The following KCND2 variants were observed in gnomAD, a reference collection of about 807,000 sequenced individuals.
KCND2 encodes A-type voltage-gated potassium channel KCND2.
KCND2 carries 16 observed loss-of-function variants against 54.4 expected under a neutral mutation model. The ratio of observed to expected loss-of-function variants is 0.29; its 90% CI spans 0.20 to 0.45. KCND2 has a LOEUF of 0.45. Among genes scored for constraint, KCND2 ranks in the 20% least tolerant of loss-of-function variants. KCND2 has a pLI of 1.00. For missense variants in KCND2, 486 were observed against 824.2 expected, an observed-to-expected ratio of 0.59 and a Z score of 5.02; for synonymous variants, 317 against 310.7, an observed-to-expected ratio of 1.02 and a Z score of -0.21.
At chr7:120,309,644 C>G (rs1330510443) in intron 1 of KCND2, among the ~76,000 whole-genome samples, 1 of 151,456 alleles carries the variant, frequency 6.6e-6, no homozygotes, top group African/African-American at 2.4e-5. Context: ...CATATAATCC[C>G]CAATATCACC....
rs780222189 is a variant in KCND2, at chr7:120,507,954, A to G, written c.1116-224949A>G. ...ATATTTGAAAGTTTATTCTGAAGCT[A>G]TATTTTCATTAATTTAATGATAAGC... On this transcript the variant is annotated intron_variant, in intron 1 of 5. Transcript: ENST00000331113. Among the ~76,000 whole-genome samples the G allele has an allele frequency of 6.6e-5, 10 of 151,966 alleles. No individual in the cohort carries two copies. The East Asian group carries it at 1.2e-3, about 18-fold the overall frequency.
At chr7:120,661,263 A>T (rs569358357) in intron 1 of KCND2, among the ~76,000 whole-genome samples, 114 of 150,728 alleles carry the variant, frequency 7.6e-4, no homozygotes, top group Admixed American at 2.3e-3. Context: ...TTATTTTTTT[A>T]AAATAATAAA....
chr7:120,690,953 A>G (rs957435596), intron 1 of KCND2, among the ~76,000 whole-genome samples: 1 of 152,196 alleles, frequency 6.6e-6, no homozygotes, highest in African/African-American at 2.4e-5. Context: ...GGATGTTGAA[A>G]TTTTAAGTAG....
intron 1 of KCND2, among the ~76,000 whole-genome samples, chr7:120,313,360 TTAAA>T (rs1408896434): frequency 1.3e-5 from 2 of 152,136 alleles, no homozygotes; most frequent in African/African-American, 4.8e-5. Flanking sequence ...TGCATGACAA[TTAAA>T]TAGATAATAG....
chr7:120,516,897 C>T (rs1803204675), intron 1 of KCND2, among the ~76,000 whole-genome samples: 1 of 152,052 alleles, frequency 6.6e-6, no homozygotes, highest in South Asian at 2.1e-4. Context: ...TGAACAGGCT[C>T]TAGAGAAGTG....
chr7:120,274,263 A>G lies in KCND2; in HGVS notation c.-370A>G, dbSNP rs936386704. 4 of 372,808 alleles carry G rather than the reference A, an allele frequency of 1.1e-5. No homozygotes were observed. The highest frequency in any genetic ancestry group is 1.3e-4 in the East Asian group (2 of 15,954). 23.1% of individuals were successfully genotyped at this position (372,808 alleles called of 1,614,324 possible). ...ATCCTACACTCCACATACTGACCCT[A>G]TATTATCCAGACTGTGCCGGGGAGA... On this transcript the variant is annotated 5_prime_UTR_variant, in exon 1 of 6. Transcript: ENST00000331113.
intron 1 of KCND2, among the ~76,000 whole-genome samples, chr7:120,493,407 G>C (rs1802810827): frequency 1.3e-5 from 2 of 151,834 alleles, no homozygotes; most frequent in African/African-American, 4.8e-5. Flanking sequence ...TAATCATTGG[G>C]GATATAACAA....
chr7:120,524,039 C>A (rs533498137), intron 1 of KCND2, among the ~76,000 whole-genome samples: 8 of 151,862 alleles, frequency 5.3e-5, no homozygotes, highest in African/African-American at 1.9e-4. Flanking sequence ...AGTTGGAGAC[C>A]GGACTGTGCA....
At chr7:120,744,985 G>A (rs1461990371) in intron 4 of KCND2, among the ~76,000 whole-genome samples, 2 of 151,974 alleles carry the variant, frequency 1.3e-5, no homozygotes, top group East Asian at 3.8e-4. Context: ...TATAAAATAC[G>A]ATATGCGAAA....
chr7:120,663,253 A>C (rs1791887325), intron 1 of KCND2, among the ~76,000 whole-genome samples: 1 of 152,204 alleles, frequency 6.6e-6, no homozygotes, highest in South Asian at 2.1e-4. Flanking sequence ...CAACAACAAC[A>C]AAAGAGGTTA....
intron 1 of KCND2, among the ~76,000 whole-genome samples, chr7:120,594,175 AC>A (rs1475935722): frequency 6.6e-6 from 1 of 152,206 alleles, no homozygotes; most frequent in Admixed American, 6.5e-5. Context: ...TCTCCAACTG[AC>A]CAAATATAAA....
intron 1 of KCND2, among the ~76,000 whole-genome samples, chr7:120,491,622 A>G (rs1319137397): frequency 6.6e-6 from 1 of 152,130 alleles, no homozygotes; most frequent in East Asian, 1.9e-4. Flanking sequence ...TATTAAAGGC[A>G]CAGGGATAAT....
At chr7:120,666,367 A>G (rs1018057313) in intron 1 of KCND2, among the ~76,000 whole-genome samples, 2 of 151,958 alleles carry the variant, frequency 1.3e-5, no homozygotes, top group African/African-American at 4.8e-5. Flanking sequence ...TTGAATACCT[A>G]TGTGTCAGGA....
At chr7:120,662,590 A>T (rs1791879866) in intron 1 of KCND2, among the ~76,000 whole-genome samples, 1 of 152,214 alleles carries the variant, frequency 6.6e-6, no homozygotes, top group Non-Finnish European at 1.5e-5. Context: ...GGGGAAGCAC[A>T]CTGAAGTAAC....
intron 1 of KCND2, among the ~76,000 whole-genome samples, chr7:120,629,451 AC>A (rs1347490244): frequency 4.0e-5 from 6 of 151,760 alleles, no homozygotes; most frequent in Non-Finnish European, 5.9e-5. Flanking sequence ...GTGCCACTGC[AC>A]TCCATCCTGG....
At chr7:120,300,264 G>A (rs1046453743) in intron 1 of KCND2, among the ~76,000 whole-genome samples, 6 of 152,100 alleles carry the variant, frequency 3.9e-5, no homozygotes, top group African/African-American at 7.2e-5. Flanking sequence ...TGCTTCCACT[G>A]TGTTGTGTCC....
At chr7:120,312,133 C>T (rs1174042717) in intron 1 of KCND2, among the ~76,000 whole-genome samples, 1 of 152,144 alleles carries the variant, frequency 6.6e-6, no homozygotes, top group Non-Finnish European at 1.5e-5. Context: ...TCTCAAACTC[C>T]TGACCTCAGA....
chr7:120,403,203 T>A (rs1359666328), intron 1 of KCND2, among the ~76,000 whole-genome samples: 3 of 152,186 alleles, frequency 2.0e-5, no homozygotes, highest in Non-Finnish European at 4.4e-5. Flanking sequence ...AGAGAGAATT[T>A]GTGACTGAGA....
At chr7:120,381,371 T>G (rs1800913555) in intron 1 of KCND2, among the ~76,000 whole-genome samples, 1 of 152,116 alleles carries the variant, frequency 6.6e-6, no homozygotes, top group African/African-American at 2.4e-5. Context: ...AATACAATTC[T>G]TATTTTCCAA....
Sources: gnomAD v4.1 joint callset for allele counts (sites outside exome capture counted in the v4.1 genomes callset) on GRCh38, gnomAD v4.1.1 for gene constraint, MANE v1.5 for transcripts, NCBI Gene and HGNC (gene_info 2026-07-23, HGNC 2026-07-21) for gene names.